Variants in LHFPL3 observed in about 807,000 individuals in gnomAD.
LHFPL3 encodes the protein LHFPL tetraspan subfamily member 3.
Under a neutral mutation model 19.3 loss-of-function variants are expected in LHFPL3, and 5 were observed. That is an observed-to-expected ratio of 0.26 (90% CI 0.14 to 0.54). The LOEUF (loss-of-function observed/expected upper bound fraction) is 0.54. LHFPL3 is among the 20% of genes least tolerant of loss of function. The pLI is 0.94. For missense variants in LHFPL3, 249 were observed against 307.4 expected (o/e 0.81, Z 1.42); for synonymous variants, 133 against 126.2 (o/e 1.05, Z -0.36).
chr7:104,696,338 A>G (rs1232275825), intron 1 of LHFPL3, among the ~76,000 whole-genome samples: 1 of 152,222 alleles, frequency 6.6e-6, no homozygotes, highest in Non-Finnish European at 1.5e-5. Flanking sequence ...GAATATACGC[A>G]CTGCAAAGTA....
chr7:104,736,950 AGC>A (rs1360606941), intron 2 of LHFPL3, 39 bp downstream of exon 2: 3 of 1,491,178 alleles, frequency 2.0e-6, no homozygotes, highest in Non-Finnish European at 9.2e-7. Context: ...GGATGCCTCA[AGC>A]ACAAAAAAAT....
chr7:104,371,992 A>G (rs931192768), intron 1 of LHFPL3, among the ~76,000 whole-genome samples: 1 of 152,362 alleles, frequency 6.6e-6, no homozygotes, highest in Admixed American at 6.5e-5. Flanking sequence ...GCTAACGGCC[A>G]GTTAATTAGT....
intron 2 of LHFPL3, among the ~76,000 whole-genome samples, chr7:104,899,643 C>T (rs1000465430): frequency 2.6e-5 from 4 of 152,218 alleles, no homozygotes; most frequent in African/African-American, 9.7e-5. Flanking sequence ...GAAAAGCCAA[C>T]ACTTTCAAAG....
intron 1 of LHFPL3, among the ~76,000 whole-genome samples, chr7:104,652,199 A>G (rs898370135): frequency 6.6e-6 from 1 of 152,104 alleles, no homozygotes; most frequent in Admixed American, 6.5e-5. Context: ...CAAAAAGCTG[A>G]CTTGACAACC....
chr7:104,577,141 A>G (rs1048656203), intron 1 of LHFPL3, among the ~76,000 whole-genome samples: 4 of 152,224 alleles, frequency 2.6e-5, no homozygotes, highest in Admixed American at 6.5e-5. Context: ...ACTGAACATC[A>G]AACATAAATC....
chr7:104,547,411 A>G (rs1794595477), intron 1 of LHFPL3, among the ~76,000 whole-genome samples: 1 of 152,112 alleles, frequency 6.6e-6, no homozygotes, highest in African/African-American at 2.4e-5. Flanking sequence ...GTTCTTTTTC[A>G]GTAGAGCAGT....
chr7:104,413,315 G>A (rs1236178104), intron 1 of LHFPL3, among the ~76,000 whole-genome samples: 2 of 152,126 alleles, frequency 1.3e-5, no homozygotes, highest in African/African-American at 4.8e-5. Context: ...GTCTGTTTTT[G>A]CCCAAGTTGT....
At chr7:104,680,939 C>T (rs969881353) in intron 1 of LHFPL3, among the ~76,000 whole-genome samples, 5 of 152,122 alleles carry the variant, frequency 3.3e-5, no homozygotes, top group African/African-American at 9.7e-5. Context: ...CTACTGATTA[C>T]AGAACTACAG....
At chr7:104,724,413 C>G (rs1335447527) in intron 1 of LHFPL3, among the ~76,000 whole-genome samples, 1 of 152,162 alleles carries the variant, frequency 6.6e-6, no homozygotes, top group Non-Finnish European at 1.5e-5. Flanking sequence ...AATAAAACTT[C>G]TGTTATGCAA....
chr7:104,758,269 T>C (rs185516838), intron 2 of LHFPL3, among the ~76,000 whole-genome samples: 44 of 152,276 alleles, frequency 2.9e-4, no homozygotes, highest in Middle Eastern at 6.8e-3. Context: ...GGTAATCCGC[T>C]AGTAGGGATC....
intron 1 of LHFPL3, among the ~76,000 whole-genome samples, chr7:104,352,846 A>C (rs560594750): frequency 6.6e-6 from 1 of 152,180 alleles, no homozygotes; most frequent in Non-Finnish European, 1.5e-5. Context: ...TCCAGGTATA[A>C]CCATGAGTTC....
intron 1 of LHFPL3, among the ~76,000 whole-genome samples, chr7:104,412,088 C>A (rs1791544474): frequency 6.6e-6 from 1 of 152,088 alleles, no homozygotes; most frequent in Non-Finnish European, 1.5e-5. Flanking sequence ...TATATACCAG[C>A]AAGTCATTAA....
At chr7:104,373,947 A>G in intron 1 of LHFPL3, among the ~76,000 whole-genome samples, 1 of 152,154 alleles carries the variant, frequency 6.6e-6, no homozygotes. Context: ...TTTTGGGGTA[A>G]AATATTTTGA....
At chr7:104,493,784 T>C (rs1793404879) in intron 1 of LHFPL3, among the ~76,000 whole-genome samples, 1 of 152,064 alleles carries the variant, frequency 6.6e-6, no homozygotes, top group South Asian at 2.1e-4. Flanking sequence ...GCTATTATAA[T>C]CACCTCTTAA....
At chr7:104,476,370 A>G (rs1793017083) in intron 1 of LHFPL3, among the ~76,000 whole-genome samples, 1 of 152,040 alleles carries the variant, frequency 6.6e-6, no homozygotes, top group African/African-American at 2.4e-5. Context: ...TAAGACCCAC[A>G]TGTTGAAGGA....
chr7:104,632,457 T>A (rs1791660887), intron 1 of LHFPL3, among the ~76,000 whole-genome samples: 2 of 152,248 alleles, frequency 1.3e-5, no homozygotes, highest in Non-Finnish European at 2.9e-5. Context: ...TTACACATTC[T>A]ATAATGTGAA....
At chr7:104,487,355 A>G (rs1793255401) in intron 1 of LHFPL3, among the ~76,000 whole-genome samples, 2 of 152,236 alleles carry the variant, frequency 1.3e-5, no homozygotes, top group South Asian at 2.1e-4. Context: ...TTATTTACCA[A>G]ATTATTCCAG....
At chr7:104,790,478 T>C (rs896718483) in intron 2 of LHFPL3, among the ~76,000 whole-genome samples, 1 of 152,154 alleles carries the variant, frequency 6.6e-6, no homozygotes, top group African/African-American at 2.4e-5. Flanking sequence ...TTTTTTTTGG[T>C]ACCATCCAGT....
chr7:104,367,585 T>C (rs1031359849), intron 1 of LHFPL3, among the ~76,000 whole-genome samples: 2 of 152,218 alleles, frequency 1.3e-5, no homozygotes, highest in African/African-American at 4.8e-5. Context: ...AAAAACTGGC[T>C]TGTTGATGAC....
Sources: gnomAD v4.1 joint callset for allele counts (sites outside exome capture counted in the v4.1 genomes callset) on GRCh38, gnomAD v4.1.1 for gene constraint, MANE v1.5 for transcripts, NCBI Gene and HGNC (gene_info 2026-07-23, HGNC 2026-07-21) for gene names.